GNB1: variants seen among roughly 807,000 people sequenced by gnomAD.
GNB1 encodes the protein guanine nucleotide-binding protein G(I)/G(S)/G(T) subunit beta-1.
In GNB1, 2 loss-of-function variants were observed where a neutral mutation model predicts 42.9. The ratio of observed to expected loss-of-function variants is 0.05; its 90% confidence interval spans 0.02 to 0.15. The LOEUF (loss-of-function observed/expected upper bound fraction) is 0.15, where lower values mean the gene tolerates loss of function less well. Ranked by LOEUF, GNB1 falls within the 10% of genes least tolerant of loss-of-function variation. The pLI, the probability that GNB1 is intolerant of heterozygous loss-of-function variation, is 1.00. For synonymous variants in GNB1, 183 were observed against 174.7 expected, an observed-to-expected ratio of 1.05 and a Z score of -0.38; for missense variants, 193 against 462.2, an observed-to-expected ratio of 0.42 and a Z score of 5.34.
chr1:1,820,047 T>C (rs1646910606), intron 3 of GNB1, among the ~76,000 whole-genome samples: 1 of 152,100 alleles, frequency 6.6e-6, no homozygotes, highest in African/African-American at 2.4e-5. Context: ...TGTGGGAATA[T>C]TATAAACTGA....
rs61025842 is a variant in GNB1, at chr1:1,842,235, C to T, written c.-95-2997G>A. On this transcript the variant is annotated intron_variant, in intron 1 of 11. Coordinates refer to ENST00000378609, the MANE Select transcript of GNB1 (RefSeq NM_002074.5). ...CACAAGGTCAGCAGATTGAGACCATCCTGGCTAACACGGTGAAACCCCATC... is the reference window on the plus strand; with the variant it reads ...CACAAGGTCAGCAGATTGAGACCATTCTGGCTAACACGGTGAAACCCCATC... Among the ~76,000 whole-genome samples, 9 of 152,130 alleles carry T rather than the reference C, an allele frequency of 5.9e-5. No homozygotes were observed. In the South Asian group the frequency reaches 1.9e-3, roughly 32 times the overall value.
intron 5 of GNB1, among the ~76,000 whole-genome samples, chr1:1,810,927 C>T (rs1432370682): frequency 5.9e-5 from 9 of 151,984 alleles, no homozygotes; most frequent in Non-Finnish European, 7.4e-5. Context: ...CTTAGCCTCC[C>T]AAAGTGCTGG....
At chr1:1,882,867 G>T (rs922912122) in intron 1 of GNB1, among the ~76,000 whole-genome samples, 3 of 151,268 alleles carry the variant, frequency 2.0e-5, no homozygotes, top group Admixed American at 6.6e-5. Context: ...GTTGCAGTGA[G>T]CCGAGATCAT....
intron 2 of GNB1, among the ~76,000 whole-genome samples, chr1:1,837,182 CTGTT>C (rs930573114): frequency 1.3e-4 from 20 of 151,870 alleles, no homozygotes; most frequent in South Asian, 1.0e-3. Flanking sequence ...CATCTAAAAA[CTGTT>C]TGCTTAATTC....
At chr1:1,856,645 C>T (rs917353798) in intron 1 of GNB1, among the ~76,000 whole-genome samples, 2 of 152,114 alleles carry the variant, frequency 1.3e-5, no homozygotes, top group African/African-American at 2.4e-5. Flanking sequence ...CCAGGATAGT[C>T]TCCATCTCTT....
At chr1:1,829,014 A>T (rs564828935) in intron 2 of GNB1, among the ~76,000 whole-genome samples, 44 of 152,264 alleles carry the variant, frequency 2.9e-4, no homozygotes, top group South Asian at 8.3e-4. Context: ...CAATTTTTTT[A>T]AAAAAATTAC....
At chr1:1,811,081 A>T (rs148851183) in intron 5 of GNB1, among the ~76,000 whole-genome samples, 857 of 73,134 alleles carry the variant, frequency 0.012, 7 homozygotes, top group South Asian at 0.036. Context: ...ATATATATAT[A>T]TTTTTTTTTT....
At chr1:1,848,002 T>C (rs1373080753) in intron 1 of GNB1, among the ~76,000 whole-genome samples, 1 of 151,440 alleles carries the variant, frequency 6.6e-6, no homozygotes, top group Non-Finnish European at 1.5e-5. Flanking sequence ...TTGACTTCTT[T>C]AGGACACAGA....
At chr1:1,823,328 C>T (rs538898336) in intron 3 of GNB1, among the ~76,000 whole-genome samples, 2 of 149,436 alleles carry the variant, frequency 1.3e-5, no homozygotes, top group South Asian at 4.2e-4. Context: ...TGAGAGTGTT[C>T]TGAACCCCCC....
intron 7 of GNB1, among the ~76,000 whole-genome samples, chr1:1,798,725 G>A (rs1488131913): frequency 6.6e-6 from 1 of 152,142 alleles, no homozygotes; most frequent in Non-Finnish European, 1.5e-5. Context: ...TTTTGGAGAC[G>A]GAGTTTCGCT....
chr1:1,885,202 C>G (rs1650080598), intron 1 of GNB1, among the ~76,000 whole-genome samples: 2 of 151,522 alleles, frequency 1.3e-5, no homozygotes, highest in Non-Finnish European at 2.9e-5. Context: ...CACTTGAGGT[C>G]AGCAGTTTGA....
At chr1:1,818,987 C>A (rs906347861) in intron 3 of GNB1, among the ~76,000 whole-genome samples, 13 of 152,186 alleles carry the variant, frequency 8.5e-5, no homozygotes, top group African/African-American at 3.1e-4. Context: ...CTTGGCTGTT[C>A]TCGTTGCTCA....
At chr1:1,817,649 T>C in intron 4 of GNB1, 188 bp downstream of exon 4, 1 of 491,228 alleles carries the variant, frequency 2.0e-6, no homozygotes, top group South Asian at 3.2e-5. Context: ...AGATATCTCA[T>C]TTTTATCTCA....
At chr1:1,830,224 T>A (rs1286164957) in intron 2 of GNB1, among the ~76,000 whole-genome samples, 1 of 152,134 alleles carries the variant, frequency 6.6e-6, no homozygotes, top group African/African-American at 2.4e-5. Flanking sequence ...AAAGAAACAT[T>A]TTTTTCTTTA....
intron 2 of GNB1, chr1:1,832,365 C>T (rs936030684): frequency 6.6e-6 from 1 of 152,220 alleles, no homozygotes; most frequent in African/African-American, 2.4e-5. Context: ...GCTGTGCTGA[C>T]TCCAAGAGCC....
At chr1:1,869,665 C>T (rs962391219) in intron 1 of GNB1, among the ~76,000 whole-genome samples, 1 of 152,080 alleles carries the variant, frequency 6.6e-6, no homozygotes, top group African/African-American at 2.4e-5. Flanking sequence ...TCTTTTCTGC[C>T]TCTTCTTCCA....
At chr1:1,825,156 A>G (rs1646980316) in intron 3 of GNB1, 1 of 426,880 alleles carries the variant, frequency 2.3e-6, no homozygotes, top group Non-Finnish European at 4.2e-6. Context: ...AGACACTTAT[A>G]AATTCTACGG....
rs1646985597 is a variant in GNB1 at position 1,825,445 on chromosome 1, C to T, written c.9G>A (p.Glu3=). 6.2e-7 allele frequency: 1 copy of T among 1,611,640 alleles called. No homozygotes were observed. The highest frequency in any genetic ancestry group is 1.3e-5 in the African/African-American group (1 of 75,026). Residue 3 remains glutamate (E), a synonymous_variant, in exon 3 of 12, where the codon GAG becomes GAA. Transcript: ENST00000378609. MS[E]LDQLRQEAEQ... ...CGGCCTCCTGCCGTAACTGGTCAAGCTCACTCATCTTCCGATCTTAGTGCT... is the reference window on the plus strand; with the variant it reads ...CGGCCTCCTGCCGTAACTGGTCAAGTTCACTCATCTTCCGATCTTAGTGCT...
chr1:1,801,545 C>G (rs1358721475), intron 7 of GNB1, among the ~76,000 whole-genome samples: 1 of 152,036 alleles, frequency 6.6e-6, no homozygotes, highest in Non-Finnish European at 1.5e-5. Flanking sequence ...TAGAGGACCG[C>G]GAGACATTGG....
Sources: gnomAD v4.1 joint callset for allele counts (sites outside exome capture counted in the v4.1 genomes callset) on GRCh38, gnomAD v4.1.1 for gene constraint, MANE v1.5 for transcripts, NCBI Gene and HGNC (gene_info 2026-07-23, HGNC 2026-07-21) for gene names.